Variants in MAOB observed in about 807,000 individuals in gnomAD.
MAOB encodes the protein monoamine oxidase B, also known as amine oxidase [flavin-containing] B.
Under a neutral mutation model 41.9 loss-of-function variants are expected in MAOB, and 15 were observed. That is an observed-to-expected ratio of 0.36 (90% CI 0.24 to 0.55). The LOEUF (loss-of-function observed/expected upper bound fraction) is 0.55. MAOB is among the 20% of genes least tolerant of loss of function. The pLI, the probability that MAOB is intolerant of heterozygous loss-of-function variation, is 0.86. For missense variants in MAOB, 345 were observed against 398.7 expected (o/e 0.87, Z 1.15); for synonymous variants, 167 against 144.2 (o/e 1.16, Z -1.13).
At position 43,852,899 on chromosome X, in the gene MAOB, A is replaced by G. The variant is rs777357227; in HGVS notation, c.47-9135T>C. 4.5e-5 allele frequency among the ~76,000 whole-genome samples: 5 copies of G among 111,636 alleles called. No homozygotes were observed. In the East Asian group the frequency reaches 1.4e-3, roughly 31 times the overall value. On this transcript the variant is annotated intron_variant, in intron 1 of 14. Transcript: ENST00000378069. ...TGCCTCTAGAAAAGAACAAAGCCTA[A>G]CAGAAGAGGCACCATGAAGGCAAGG...
chrX:43,768,513 T>C, intron 14 of MAOB, 141 bp downstream of exon 14: 1 of 480,884 alleles, frequency 2.1e-6, no homozygotes, highest in Non-Finnish European at 3.6e-6. Context: ...TAACCCATGA[T>C]ACTTATTTAA....
intron 5 of MAOB, among the ~76,000 whole-genome samples, chrX:43,798,000 C>G (rs1351580760): frequency 8.9e-6 from 1 of 112,133 alleles, no homozygotes; most frequent in Admixed American, 9.5e-5. Context: ...CTTGTACCCT[C>G]TTCTTTTTAC....
chrX:43,857,702 G>A (rs956599224), intron 1 of MAOB, among the ~76,000 whole-genome samples: 1 of 111,052 alleles, frequency 9.0e-6, no homozygotes, highest in African/African-American at 3.3e-5. Flanking sequence ...GCTAGCTTCT[G>A]GAAGTTACGT....
At chrX:43,842,385 T>G (rs999209081) in intron 2 of MAOB, among the ~76,000 whole-genome samples, 83 of 112,192 alleles carry the variant, frequency 7.4e-4, no homozygotes, top group African/African-American at 2.6e-3. Context: ...TTAAAATGGC[T>G]TTTATCAAAA....
At chrX:43,865,801 T>C (rs1420774502) in intron 1 of MAOB, among the ~76,000 whole-genome samples, 1 of 107,552 alleles carries the variant, frequency 9.3e-6, no homozygotes, top group Non-Finnish European at 1.9e-5. Flanking sequence ...TTTTTTTTTT[T>C]CTGGCTGCAG....
intron 7 of MAOB, among the ~76,000 whole-genome samples, chrX:43,794,503 G>A (rs1055744132): frequency 1.8e-5 from 2 of 110,292 alleles, no homozygotes; most frequent in Non-Finnish European, 3.8e-5. Context: ...TCACTAGAAG[G>A]AGAATTGTAT....
At chrX:43,873,717 G>A (rs932134269) in intron 1 of MAOB, among the ~76,000 whole-genome samples, 3 of 109,974 alleles carry the variant, frequency 2.7e-5, no homozygotes, top group South Asian at 3.9e-4. Flanking sequence ...TGTCTCTGTC[G>A]CCAGGCTGGA....
At chrX:43,857,155 AGAGAGAGAGAAGAAG>A (rs2035302107) in intron 1 of MAOB, among the ~76,000 whole-genome samples, 8 of 60,154 alleles carry the variant, frequency 1.3e-4, no homozygotes, top group South Asian at 1.1e-3. Flanking sequence ...AGAGAGAGAG[AGAGAGAGAGAAGAAG>A]AGAGAGAGAG....
intron 3 of MAOB, among the ~76,000 whole-genome samples, chrX:43,835,343 G>A (rs977478312): frequency 4.5e-5 from 5 of 111,654 alleles, no homozygotes; most frequent in East Asian, 2.8e-4. Flanking sequence ...TTTGTAAAAC[G>A]GATCAAAAAT....
intron 1 of MAOB, among the ~76,000 whole-genome samples, chrX:43,852,151 T>C (rs771636040): frequency 2.7e-5 from 3 of 111,751 alleles, no homozygotes; most frequent in African/African-American, 3.2e-5. Context: ...GGTGATTAAA[T>C]TAGGCCCCTT....
chrX:43,769,516 A>AAAC, intron 12 of MAOB, 98 bp from the exon 13 acceptor site: 2 of 1,061,738 alleles, frequency 1.9e-6, no homozygotes, highest in Non-Finnish European at 2.4e-6. Flanking sequence ...CACAGATTCT[A>AAAC]AACAATCAAG....
chrX:43,793,795 C>G (rs1298205338), intron 7 of MAOB, among the ~76,000 whole-genome samples: 1 of 111,840 alleles, frequency 8.9e-6, no homozygotes. Context: ...TCACCATCAT[C>G]GCCAAGGCCA....
intron 3 of MAOB, among the ~76,000 whole-genome samples, chrX:43,807,464 C>T: frequency 8.9e-6 from 1 of 112,579 alleles, no homozygotes; most frequent in Non-Finnish European, 1.9e-5. Context: ...CTGCCGCTAA[C>T]TCCACTGCAC....
At chrX:43,849,560 C>T (rs181735115) in intron 1 of MAOB, among the ~76,000 whole-genome samples, 1 of 113,062 alleles carries the variant, frequency 8.8e-6, no homozygotes, top group Non-Finnish European at 1.9e-5. Flanking sequence ...ATGCAAACGG[C>T]TTGGCTGGCA....
chrX:43,782,230 G>C (rs1185249369), intron 8 of MAOB, among the ~76,000 whole-genome samples: 2 of 110,841 alleles, frequency 1.8e-5, no homozygotes, highest in Non-Finnish European at 3.8e-5. Flanking sequence ...CAAAAAAATA[G>C]ACCGCTAGCC....
chrX:43,855,666 G>T (rs1448983424), intron 1 of MAOB, among the ~76,000 whole-genome samples: 2 of 111,868 alleles, frequency 1.8e-5, no homozygotes, highest in African/African-American at 6.5e-5. Flanking sequence ...CAGACTCCTA[G>T]AGAATTTTAT....
At chrX:43,806,595 C>T (rs985229464) in intron 3 of MAOB, among the ~76,000 whole-genome samples, 1 of 110,654 alleles carries the variant, frequency 9.0e-6, no homozygotes, top group African/African-American at 3.3e-5. Context: ...AGTTGCTACT[C>T]ACCCCTCTTC....
chrX:43,836,660 G>A (rs1236168391), intron 3 of MAOB, among the ~76,000 whole-genome samples: 1 of 112,140 alleles, frequency 8.9e-6, no homozygotes, highest in Non-Finnish European at 1.9e-5. Flanking sequence ...TACGAACCAA[G>A]AGAGTATTTT....
chrX:43,815,885 T>C (rs1420451669), intron 3 of MAOB, among the ~76,000 whole-genome samples: 1 of 112,073 alleles, frequency 8.9e-6, no homozygotes, highest in Non-Finnish European at 1.9e-5. Context: ...TCCAAACACA[T>C]ACACGAAAAT....
Sources: allele counts gnomAD v4.1 joint callset (sites outside exome capture counted in the v4.1 genomes callset), GRCh38; gene constraint gnomAD v4.1.1; transcripts MANE v1.5; gene names NCBI Gene and HGNC (gene_info 2026-07-23, HGNC 2026-07-21).